ANKS1A: variants seen among roughly 807,000 people sequenced by gnomAD.
ANKS1A encodes ankyrin repeat and SAM domain-containing protein 1A.
In ANKS1A, 55 loss-of-function variants were observed where a neutral mutation model predicts 120.3. That is an observed-to-expected ratio of 0.46 (90% CI 0.37 to 0.57). The LOEUF (loss-of-function observed/expected upper bound fraction) is 0.57, where lower values mean the gene tolerates loss of function less well. ANKS1A is among the 20% of genes least tolerant of loss of function. ANKS1A has a pLI of 0.00. For missense variants in ANKS1A, 1,123 were observed against 1,480.3 expected (o/e 0.76, Z 3.96); for synonymous variants, 590 against 604.7 (o/e 0.98, Z 0.36).
At chr6:35,007,225 C>T (rs1434042153) in intron 10 of ANKS1A, among the ~76,000 whole-genome samples, 4 of 152,114 alleles carry the variant, frequency 2.6e-5, no homozygotes, top group Non-Finnish European at 5.9e-5. Context: ...CTGTACTATG[C>T]AGGACAGTCC....
Position 35,080,976 on chromosome 6 carries a change from G to T in ANKS1A, c.2545-18G>T, listed in dbSNP as rs1437885007. On this transcript the variant is annotated intron_variant, in intron 16 of 23. Coordinates refer to ENST00000360359, the MANE Select transcript of ANKS1A (RefSeq NM_015245.3). ...GGGCCGAGGGTTGCAAGTTCCACCT[G>T]GATTTTTCCCTCCACAGTGCCAAGA... 8.7e-6 allele frequency: 14 copies of T among 1,608,410 alleles called. No homozygotes were observed. Among genetic ancestry groups the T allele is most frequent in the Non-Finnish European group, 1.2e-5 (14 of 1,175,792 alleles).
At chr6:34,953,981 T>C (rs1350660667) in intron 1 of ANKS1A, among the ~76,000 whole-genome samples, 2 of 152,114 alleles carry the variant, frequency 1.3e-5, no homozygotes, top group African/African-American at 2.4e-5. Context: ...ATAAAGTAAG[T>C]TGAATTAAAT....
chr6:34,963,287 C>G (rs1762038778), intron 1 of ANKS1A, among the ~76,000 whole-genome samples: 1 of 152,208 alleles, frequency 6.6e-6, no homozygotes, highest in African/African-American at 2.4e-5. Context: ...AACATCACCC[C>G]CTCCAGCTCC....
Position 35,082,948 on chromosome 6 carries a change from A to C in ANKS1A, c.2835+132A>C. ...TTTGAGCTGTTCTCCACTCTCAGCC[A>C]CTCTTGACAGCTAAGGCGAAGGGGT... On this transcript the variant is annotated intron_variant, in intron 18 of 23. Coordinates refer to ENST00000360359, the MANE Select transcript of ANKS1A (RefSeq NM_015245.3). The surrounding 1 kb of genome is among the most constrained non-coding windows in gnomAD (Gnocchi z 4.1). 6.9e-7 allele frequency: 1 copy of C among 1,439,546 alleles called. No individual in the cohort carries two copies. Among genetic ancestry groups the C allele is most frequent in the South Asian group, 1.4e-5 (1 of 71,806 alleles). The allele number at this position is 1,439,546 out of a possible 1,614,324, so 89.2% of individuals were successfully genotyped here.
intron 17 of ANKS1A, among the ~76,000 whole-genome samples, chr6:35,081,781 T>A (rs960795309): frequency 2.0e-5 from 3 of 152,212 alleles, no homozygotes; most frequent in Non-Finnish European, 4.4e-5. Context: ...CAGGGCATCA[T>A]TTCCAGGGGT....
At chr6:34,950,024 C>T (rs1241281849) in intron 1 of ANKS1A, among the ~76,000 whole-genome samples, 2 of 152,148 alleles carry the variant, frequency 1.3e-5, no homozygotes, top group Non-Finnish European at 1.5e-5. Context: ...TCTGGCTTCA[C>T]TTTTAAAAAG....
intron 11 of ANKS1A, among the ~76,000 whole-genome samples, chr6:35,031,951 C>A (rs1385607693): frequency 6.6e-6 from 1 of 152,134 alleles, no homozygotes; most frequent in East Asian, 1.9e-4. Context: ...TTCTCCATTT[C>A]TTTTTGTTGA....
chr6:34,920,550 C>G (rs1330512529), intron 1 of ANKS1A, among the ~76,000 whole-genome samples: 3 of 152,090 alleles, frequency 2.0e-5, no homozygotes, highest in Non-Finnish European at 4.4e-5. Flanking sequence ...TTTAAAGATG[C>G]ACCAAGGTGT....
intron 1 of ANKS1A, among the ~76,000 whole-genome samples, chr6:34,961,503 G>A (rs940455656): frequency 4.6e-5 from 7 of 152,198 alleles, no homozygotes; most frequent in Admixed American, 1.3e-4. Flanking sequence ...TTTTTGCAGT[G>A]AAGTCACTAT....
chr6:35,007,805 C>G (rs1409024993), intron 10 of ANKS1A, among the ~76,000 whole-genome samples: 1 of 152,222 alleles, frequency 6.6e-6, no homozygotes, highest in African/African-American at 2.4e-5. Flanking sequence ...TTTCTGAGAG[C>G]TACGCATTTG....
Position 35,085,968 on chromosome 6 carries a change from C to A in ANKS1A, c.3303+32C>A. ...GGGCCCCACTGGCCAAGATCCCCCTCTCCCTGGCCCCAGGGATTCAAGGGC... is the reference window on the plus strand; with the variant it reads ...GGGCCCCACTGGCCAAGATCCCCCTATCCCTGGCCCCAGGGATTCAAGGGC... On this transcript the variant is annotated intron_variant, in intron 22 of 23. Transcript: ENST00000360359. This position sits in a 1 kb window ranked among gnomAD's most constrained non-coding sequence, Gnocchi z 4.7. 2 of 1,561,228 alleles carry A rather than the reference C, an allele frequency of 1.3e-6. No homozygotes were observed. Among genetic ancestry groups the A allele is most frequent in the Admixed American group, 1.8e-5 (1 of 54,926 alleles).
At chr6:35,030,726 C>T (rs1462031996) in intron 11 of ANKS1A, among the ~76,000 whole-genome samples, 1 of 152,192 alleles carries the variant, frequency 6.6e-6, no homozygotes, top group Non-Finnish European at 1.5e-5. Flanking sequence ...GTTTTACCTT[C>T]TTGGTAGGTC....
At chr6:34,903,153 T>C (rs1767444835) in intron 1 of ANKS1A, among the ~76,000 whole-genome samples, 1 of 152,200 alleles carries the variant, frequency 6.6e-6, no homozygotes, top group Non-Finnish European at 1.5e-5. Context: ...CCAATATTTT[T>C]TTGGATGTAT....
chr6:34,975,457 A>C (rs1016678303), intron 3 of ANKS1A, among the ~76,000 whole-genome samples: 3 of 151,508 alleles, frequency 2.0e-5, no homozygotes, highest in African/African-American at 7.3e-5. Context: ...CAAAAAAAAA[A>C]AACAACAAAA....
intron 3 of ANKS1A, among the ~76,000 whole-genome samples, chr6:34,974,842 C>T (rs575112760): frequency 9.9e-5 from 15 of 152,226 alleles, no homozygotes; most frequent in African/African-American, 3.4e-4. Flanking sequence ...TAATGTATTT[C>T]TGCAAAGGCA....
chr6:35,066,102 G>A (rs978999525), intron 13 of ANKS1A, among the ~76,000 whole-genome samples: 5 of 152,172 alleles, frequency 3.3e-5, no homozygotes, highest in Non-Finnish European at 2.9e-5. Context: ...CTCCCTGTTC[G>A]TCGTCTGTCA....
At chr6:35,029,014 A>G (rs904060781) in intron 11 of ANKS1A, among the ~76,000 whole-genome samples, 5 of 152,234 alleles carry the variant, frequency 3.3e-5, no homozygotes, top group African/African-American at 1.2e-4. Flanking sequence ...GAGGGTGGTC[A>G]GCCTTTTAGT....
chr6:34,891,605 C>T (rs1050909129), intron 1 of ANKS1A, among the ~76,000 whole-genome samples: 2 of 152,166 alleles, frequency 1.3e-5, no homozygotes, highest in African/African-American at 4.8e-5. Flanking sequence ...TCTCATATCT[C>T]CCACCCTCAA....
intron 3 of ANKS1A, among the ~76,000 whole-genome samples, chr6:34,973,520 T>C (rs1771288668): frequency 6.6e-6 from 1 of 152,184 alleles, no homozygotes; most frequent in Non-Finnish European, 1.5e-5. Flanking sequence ...TCAGATGAAG[T>C]TTGCTTTTTG....
Sources: gnomAD v4.1 joint callset for allele counts (sites outside exome capture counted in the v4.1 genomes callset) on GRCh38, gnomAD v4.1.1 for gene constraint, Gnocchi (gnomAD v3.1) non-coding constraint, MANE v1.5 for transcripts, NCBI Gene and HGNC (gene_info 2026-07-23, HGNC 2026-07-21) for gene names.